Variants in MACROD2 observed in about 807,000 individuals in gnomAD.
The protein encoded by MACROD2 is ADP-ribose glycohydrolase MACROD2.
MACROD2 carries 36 observed loss-of-function variants against 70.4 expected under a neutral mutation model. The observed-to-expected ratio is 0.51, with a 90% CI of 0.39 to 0.68. The LOEUF (loss-of-function observed/expected upper bound fraction) is 0.68, where lower values mean the gene tolerates loss of function less well. Among genes scored for constraint, MACROD2 ranks in the 30% least tolerant of loss-of-function variants. MACROD2 has a pLI of 0.00. For synonymous variants in MACROD2, 172 were observed against 178.8 expected, an observed-to-expected ratio of 0.96 and a Z score of 0.30; for missense variants, 496 against 538.4, an observed-to-expected ratio of 0.92 and a Z score of 0.78.
At position 15,862,739 on chromosome 20, in the gene MACROD2, C is replaced by G; in HGVS notation, c.646-6C>G. 6.2e-7 allele frequency: 1 copy of G among 1,608,822 alleles called. No individual in the cohort carries two copies. The highest frequency in any genetic ancestry group is 8.5e-7 in the Non-Finnish European group (1 of 1,177,520). On this transcript the variant is annotated splice_region_variant and splice_polypyrimidine_tract_variant and intron_variant, in intron 8 of 17. Coordinates refer to ENST00000684519, the MANE Select transcript of MACROD2 (RefSeq NM_001351661.2). ...TCACTTTGAGTGTTTTATCTTTTGC[C>G]TCTAGGTGGATCGGATCATTTTCTG... is the stretch of plus-strand genomic sequence containing the variant.
chr20:14,011,379 C>T (rs1201124924), intron 2 of MACROD2, among the ~76,000 whole-genome samples: 1 of 152,106 alleles, frequency 6.6e-6, no homozygotes. Flanking sequence ...ACTGTATTTG[C>T]GTAAAACAGC....
chr20:14,657,208 C>T (rs1469138777), intron 4 of MACROD2, among the ~76,000 whole-genome samples: 1 of 152,188 alleles, frequency 6.6e-6, no homozygotes, highest in African/African-American at 2.4e-5. Flanking sequence ...AAAATATAAT[C>T]TAATAAGTTA....
At chr20:15,285,414 A>G (rs1237846681) in intron 6 of MACROD2, among the ~76,000 whole-genome samples, 1 of 152,178 alleles carries the variant, frequency 6.6e-6, no homozygotes, top group Non-Finnish European at 1.5e-5. Context: ...CAGTCTCTCA[A>G]ATTTTCTTTG....
At chr20:14,786,204 T>TAGATAGAG (rs376081607) in intron 5 of MACROD2, among the ~76,000 whole-genome samples, 32 of 135,530 alleles carry the variant, frequency 2.4e-4, no homozygotes, top group African/African-American at 8.9e-4. Context: ...CAGAGAAAGA[T>TAGATAGAG]AGAGAGAGAG....
At chr20:15,555,901 A>AGTGTGT (rs1386834391) in intron 8 of MACROD2, among the ~76,000 whole-genome samples, 1 of 151,908 alleles carries the variant, frequency 6.6e-6, no homozygotes, top group Non-Finnish European at 1.5e-5. Context: ...TGGGATTGAA[A>AGTGTGT]GTGTGTGTGA....
intron 6 of MACROD2, among the ~76,000 whole-genome samples, chr20:15,304,089 A>G (rs1215110940): frequency 1.3e-5 from 2 of 152,044 alleles, no homozygotes; most frequent in South Asian, 2.1e-4. Flanking sequence ...GTTCCTTATA[A>G]TATTTTCTTT....
At chr20:14,828,703 G>A (rs563123029) in intron 5 of MACROD2, among the ~76,000 whole-genome samples, 37 of 152,148 alleles carry the variant, frequency 2.4e-4, no homozygotes, top group African/African-American at 8.7e-4. Flanking sequence ...TCCCTGAAGA[G>A]GTGACATTTG....
intron 3 of MACROD2, among the ~76,000 whole-genome samples, chr20:14,269,494 G>A (rs2082172421): frequency 6.6e-6 from 1 of 152,024 alleles, no homozygotes; most frequent in Admixed American, 6.6e-5. Context: ...AGATAGTATT[G>A]GCAAAATCTA....
chr20:15,284,928 A>G (rs148876919), intron 6 of MACROD2, among the ~76,000 whole-genome samples: 1,908 of 152,316 alleles, frequency 0.013, 39 homozygotes, highest in African/African-American at 0.042. Flanking sequence ...TATTTAAATA[A>G]TAGTACTTTG....
chr20:14,017,549 C>G (rs2053011433), intron 2 of MACROD2, among the ~76,000 whole-genome samples: 1 of 152,016 alleles, frequency 6.6e-6, no homozygotes, highest in Admixed American at 6.6e-5. Flanking sequence ...TTGTAAAATG[C>G]ATTTTCTATA....
chr20:14,500,420 C>G (rs1326841481), intron 4 of MACROD2, among the ~76,000 whole-genome samples: 1 of 152,234 alleles, frequency 6.6e-6, no homozygotes, highest in African/African-American at 2.4e-5. Flanking sequence ...TACAGCTGCT[C>G]ACTCCAGTTG....
chr20:14,046,754 TATTA>T (rs1180423144), intron 2 of MACROD2, among the ~76,000 whole-genome samples: 1 of 141,124 alleles, frequency 7.1e-6, no homozygotes, highest in South Asian at 2.3e-4. Context: ...TTTATTTATT[TATTA>T]AGCTGTTTGT....
chr20:15,089,705 G>A (rs939494220), intron 5 of MACROD2, among the ~76,000 whole-genome samples: 2 of 152,002 alleles, frequency 1.3e-5, no homozygotes, highest in Non-Finnish European at 2.9e-5. Flanking sequence ...CCACACTGAA[G>A]GCCTGCCTTC....
chr20:15,348,424 G>A (rs1325030394), intron 6 of MACROD2, among the ~76,000 whole-genome samples: 1 of 152,162 alleles, frequency 6.6e-6, no homozygotes, highest in Non-Finnish European at 1.5e-5. Context: ...AGCAATTAAT[G>A]TTTCCTTAAC....
At chr20:16,019,492 C>G (rs1274784258) in intron 15 of MACROD2, among the ~76,000 whole-genome samples, 1 of 152,192 alleles carries the variant, frequency 6.6e-6, no homozygotes, top group Admixed American at 6.5e-5. Context: ...CACCCACATT[C>G]ACTGGAGACT....
rs533980567 is a variant in MACROD2 at position 15,213,163 on chromosome 20, T to G, written c.419-16777T>G. Among the ~76,000 whole-genome samples, 5 of 152,304 alleles carry G rather than the reference T, an allele frequency of 3.3e-5. No individual in the cohort carries two copies. In the South Asian group the frequency reaches 1.0e-3, roughly 32 times the overall value. On this transcript the variant is annotated intron_variant, in intron 5 of 17. Transcript: ENST00000684519. ...ACCATGGAATTAGGCAACATTCACTTAGCCAGAATTTACTTAGTGACTGGT... is the reference window on the plus strand; with the variant it reads ...ACCATGGAATTAGGCAACATTCACTGAGCCAGAATTTACTTAGTGACTGGT...
At chr20:15,741,898 G>A (rs1053380168) in intron 8 of MACROD2, among the ~76,000 whole-genome samples, 16 of 152,132 alleles carry the variant, frequency 1.1e-4, no homozygotes, top group Non-Finnish European at 1.9e-4. Context: ...ATGAATGAAT[G>A]AGTTAATAAT....
intron 3 of MACROD2, among the ~76,000 whole-genome samples, chr20:14,343,815 T>A (rs1044526241): frequency 6.6e-6 from 1 of 152,204 alleles, no homozygotes; most frequent in Admixed American, 6.5e-5. Flanking sequence ...TATTGACATG[T>A]GGATCAACAA....
chr20:14,324,291 A>G (rs1601477133), intron 3 of MACROD2: 1 of 2,428 alleles, frequency 4.1e-4, no homozygotes, highest in Non-Finnish European at 2.1e-3. Context: ...TTTTTTGTTG[A>G]AAAAAAAAAA....
Sources: allele counts gnomAD v4.1 joint callset (sites outside exome capture counted in the v4.1 genomes callset), GRCh38; gene constraint gnomAD v4.1.1; transcripts MANE v1.5; gene names NCBI Gene and HGNC (gene_info 2026-07-23, HGNC 2026-07-21).